Variants in DNAH8 observed in about 807,000 individuals in gnomAD.
The protein encoded by DNAH8 is axonemal beta dynein heavy chain 8.
Under a neutral mutation model 562.1 loss-of-function variants are expected in DNAH8, and 382 were observed. The ratio of observed to expected loss-of-function variants is 0.68; its 90% confidence interval spans 0.63 to 0.74. The LOEUF is 0.74. Among genes scored for constraint, DNAH8 ranks in the 30% least tolerant of loss-of-function variants. The probability of loss-of-function intolerance (pLI) is 0.00; values close to 1 mark genes in which losing one functional copy is unlikely to be tolerated. For synonymous variants in DNAH8, 1,881 were observed against 1,919.4 expected (o/e 0.98, Z 0.52); for missense variants, 5,203 against 5,620.4 (o/e 0.93, Z 2.37).
At chr6:38,870,192 G>A (rs963543957) in intron 48 of DNAH8, among the ~76,000 whole-genome samples, 1 of 152,164 alleles carries the variant, frequency 6.6e-6, no homozygotes, top group Non-Finnish European at 1.5e-5. Flanking sequence ...GGAGTTATGG[G>A]AGCTACGATT....
intron 70 of DNAH8, 59 bp from the exon 71 acceptor site, chr6:38,921,310 A>T: frequency 6.4e-7 from 1 of 1,567,244 alleles, no homozygotes; most frequent in Non-Finnish European, 8.6e-7. Context: ...GTTATCTACC[A>T]GTTACAATCA....
rs150144526 is a variant in DNAH8 at position 38,854,518 on chromosome 6, T to C, written c.5733+1171T>C. Among the ~76,000 whole-genome samples the C allele has an allele frequency of 3.2e-3, 491 of 152,316 alleles. 16 individuals are homozygous for C. The highest frequency in any genetic ancestry group is 0.03 in the Admixed American group (453 of 15,302). ...AGGACAGAGATATAATCAACCTTTA[T>C]TGGAGAGAATAATATTGTGATTTTT... On this transcript the variant is annotated intron_variant, in intron 41 of 92. Transcript: ENST00000327475.
chr6:38,921,847 C>T (rs1234655341), intron 71 of DNAH8, among the ~76,000 whole-genome samples: 1 of 152,002 alleles, frequency 6.6e-6, no homozygotes, highest in African/African-American at 2.4e-5. Context: ...CGAGCTGAGT[C>T]CGAAAAGAGT....
At position 38,857,645 on chromosome 6, in the gene DNAH8, T is replaced by C; in HGVS notation, c.5861T>C (p.Ile1954Thr). 6.2e-7 allele frequency: 1 copy of C among 1,613,756 alleles called. No individual in the cohort carries two copies. Among genetic ancestry groups the C allele is most frequent in the Non-Finnish European group, 8.5e-7 (1 of 1,179,728 alleles). ...TTTTTGGATATTCTAAATACTCTCATTAGTCAGACAACACATGATCTAAGC... is the reference window on the plus strand; with the variant it reads ...TTTTTGGATATTCTAAATACTCTCACTAGTCAGACAACACATGATCTAAGC... Reference protein sequence around the residue: ...QKFLDILNTLISQTTHDLSKF... With the variant: ...QKFLDILNTLTSQTTHDLSKF... The change falls in exon 42 of 93, where the codon ATT (isoleucine) becomes ACT (threonine). Residue 1954 changes from isoleucine to threonine, a missense_variant. Ile to Thr is a moderately conservative substitution (Grantham distance 89). This residue lies in a region of DNAH8 where 2,176 missense variants were observed against 2,365.1 expected (regional missense o/e 0.92). Transcript: ENST00000327475.
intron 80 of DNAH8, among the ~76,000 whole-genome samples, chr6:38,946,109 A>G (rs553398630): frequency 3.6e-4 from 55 of 152,110 alleles, no homozygotes; most frequent in Non-Finnish European, 7.1e-4. Context: ...GTCAATTGTT[A>G]CTGGAAAACA....
rs1359431423 is a variant in DNAH8, at chr6:38,875,127, TGTGTTCCA to T, written c.7621-461_7621-454del. On this transcript the variant is annotated intron_variant, in intron 52 of 92. Transcript: ENST00000327475. ...ATAGGTGAATGAGTGTGACTGTGTGTGTGTTCCAGTAAAACTTTATTTACCAAACAGGT... is the reference window on the plus strand; with the variant it reads ...ATAGGTGAATGAGTGTGACTGTGTGTGTAAAACTTTATTTACCAAACAGGT... Among the ~76,000 whole-genome samples, 9 of 152,354 alleles carry T rather than the reference TGTGTTCCA, an allele frequency of 5.9e-5. 2 individuals carry two copies. The Middle Eastern group carries it at 0.017, about 288-fold the overall frequency.
intron 24 of DNAH8, among the ~76,000 whole-genome samples, chr6:38,808,351 A>G (rs1298841426): frequency 1.3e-5 from 2 of 152,168 alleles, no homozygotes; most frequent in African/African-American, 2.4e-5. Context: ...AGACAGTATT[A>G]TTCGGTTAAA....
intron 88 of DNAH8, among the ~76,000 whole-genome samples, chr6:38,991,792 T>C (rs1764807964): frequency 6.6e-6 from 1 of 152,178 alleles, no homozygotes; most frequent in Non-Finnish European, 1.5e-5. Context: ...TCCTCCTAGA[T>C]ATCACAGTGG....
chr6:38,807,809 T>C (rs1771427884), intron 24 of DNAH8, 93 bp downstream of exon 24: 1 of 565,744 alleles, frequency 1.8e-6, no homozygotes, highest in Non-Finnish European at 2.7e-6. Context: ...AACTATAAAA[T>C]TTAAAATATA....
In DNAH8 at chr6:38,926,109, G is replaced by A; in HGVS notation, c.11017G>A (p.Gly3673Ser). The A allele has an allele frequency of 6.2e-7, 1 of 1,613,670 alleles. No homozygotes were observed. The highest frequency in any genetic ancestry group is 8.5e-7 in the Non-Finnish European group (1 of 1,179,778). The change falls in exon 74 of 93, where the codon GGC (glycine) becomes AGC (serine). Residue 3673 changes from glycine (G) to serine (S), a missense_variant. Coordinates refer to ENST00000327475, the MANE Select transcript of DNAH8 (RefSeq NM_001206927.2). Reference protein sequence around the residue: ...LPGDDLSIQNGIIVTKATRYP... With the variant: ...LPGDDLSIQNSIIVTKATRYP... ...AGGAGATGATCTCTCAATTCAGAATGGCATTATTGTGACAAAGGCCACCAG... is the reference window on the plus strand; with the variant it reads ...AGGAGATGATCTCTCAATTCAGAATAGCATTATTGTGACAAAGGCCACCAG...
At chr6:38,890,311 T>C (rs1779254554) in intron 57 of DNAH8, among the ~76,000 whole-genome samples, 1 of 152,180 alleles carries the variant, frequency 6.6e-6, no homozygotes, top group Non-Finnish European at 1.5e-5. Flanking sequence ...CCAGGTTGCT[T>C]GGGTTCACAT....
At position 38,990,142 on chromosome 6, in the gene DNAH8, T is replaced by A. The variant is rs1221115991; in HGVS notation, c.13184T>A (p.Val4395Asp). ...QSLPSLDNPE[V>D]FGLHPNADIT... Reference sequence around the variant, plus strand: ...CTGCCATCCCTAGATAACCCTGAAGTCTTTGGGCTTCACCCTAATGCTGAT... The same window carrying A: ...CTGCCATCCCTAGATAACCCTGAAGACTTTGGGCTTCACCCTAATGCTGAT... Residue 4395 changes from valine (V) to aspartate (D), a missense_variant, in exon 88 of 93, where the codon GTC (valine) becomes GAC (aspartate). Physicochemically the swap from Val to Asp is radical, Grantham distance 152. This residue lies in a region of DNAH8 where 1,399 missense variants were observed against 1,518.4 expected (regional missense o/e 0.92). Coordinates refer to ENST00000327475, the MANE Select transcript of DNAH8 (RefSeq NM_001206927.2). The A allele has an allele frequency of 1.2e-6, 2 of 1,611,670 alleles. No individual in the cohort carries two copies. The highest frequency in any genetic ancestry group is 2.7e-5 in the African/African-American group (2 of 74,862).
chr6:38,812,260 G>A (rs1203334685), intron 24 of DNAH8, among the ~76,000 whole-genome samples: 1 of 152,060 alleles, frequency 6.6e-6, no homozygotes, highest in Non-Finnish European at 1.5e-5. Context: ...TCTACTTCAT[G>A]GAGATGCTTA....
rs775487246 is a variant in DNAH8 at position 38,926,148 on chromosome 6, A to G, written c.11056A>G (p.Ile3686Val). ...AAAGGCCACCAGATACCCACTCCTC[A>G]TAGACCCACAAACTCAAGGCAAAAC... ...VTKATRYPLL[I>V]DPQTQGKTWI... Residue 3686 changes from isoleucine (I) to valine (V), a missense_variant, in exon 74 of 93, where the codon ATA becomes GTA. Around this residue, in one of 6 missense-constraint regions of DNAH8, gnomAD observed 1,399 missense variants for 1,518.4 expected, o/e 0.92. Coordinates refer to ENST00000327475, the MANE Select transcript of DNAH8 (RefSeq NM_001206927.2). The G allele has an allele frequency of 1.1e-5, 18 of 1,613,772 alleles. No homozygotes were observed. In the South Asian group the frequency reaches 1.8e-4, roughly 16 times the overall value.
At chr6:38,755,877 A>G (rs1582914964) in intron 9 of DNAH8, 95 bp from the exon 10 acceptor site, 1 of 751,262 alleles carries the variant, frequency 1.3e-6, no homozygotes, top group East Asian at 2.7e-5. Flanking sequence ...ATGCTATACT[A>G]TTTTGTGTAC....
rs1357637936 is a variant in DNAH8, at chr6:38,982,368, T to C, written c.12857T>C (p.Leu4286Ser). The C allele has an allele frequency of 6.2e-7, 1 of 1,606,990 alleles. No homozygotes were observed. Among genetic ancestry groups the C allele is most frequent in the South Asian group, 1.1e-5 (1 of 90,624 alleles). The change falls in exon 86 of 93, where the codon TTA becomes TCA. Residue 4286 changes from leucine (L) to serine (S), a missense_variant. Around this residue, in one of 6 missense-constraint regions of DNAH8, gnomAD observed 1,399 missense variants for 1,518.4 expected, o/e 0.92. Coordinates refer to ENST00000327475, the MANE Select transcript of DNAH8 (RefSeq NM_001206927.2). ...TVQERRKFGPLGWNIPYEFNS... is the reference protein window; with the variant it reads ...TVQERRKFGPSGWNIPYEFNS... ...AAGGAGCGACGAAAATTTGGCCCCTTAGGATGGAATATTCCCTACGAATTC... is the reference window on the plus strand; with the variant it reads ...AAGGAGCGACGAAAATTTGGCCCCTCAGGATGGAATATTCCCTACGAATTC...
At chr6:38,760,032 C>A (rs562341920) in intron 10 of DNAH8, among the ~76,000 whole-genome samples, 14 of 152,328 alleles carry the variant, frequency 9.2e-5, no homozygotes, top group African/African-American at 1.9e-4. Context: ...CCATATTATT[C>A]TTAACATTTT....
chr6:38,729,817 T>C (rs1486141352), intron 3 of DNAH8, 85 bp from the exon 4 acceptor site: 1 of 726,926 alleles, frequency 1.4e-6, no homozygotes, highest in East Asian at 2.7e-5. Context: ...TTGAATAAAC[T>C]CTTTGAGCTT....
At chr6:39,012,746 G>C (rs1384072908) in intron 91 of DNAH8, 109 bp downstream of exon 91, 17 of 818,562 alleles carry the variant, frequency 2.1e-5, no homozygotes, top group Non-Finnish European at 3.3e-5. Context: ...GTAGCTTGCT[G>C]GGTGCTGCAC....
Sources: gnomAD v4.1 joint callset for allele counts (sites outside exome capture counted in the v4.1 genomes callset) on GRCh38, gnomAD v4.1.1 for gene constraint, gnomAD v4.1.1 regional missense constraint, MANE v1.5 for transcripts, NCBI Gene and HGNC (gene_info 2026-07-23, HGNC 2026-07-21) for gene names.